MBNL1: variants seen among roughly 807,000 people sequenced by gnomAD.
MBNL1 encodes muscleblind like splicing regulator 1.
A neutral mutation model predicts 42.2 loss-of-function variants in MBNL1; 8 were observed. The ratio of observed to expected loss-of-function variants is 0.19; its 90% CI spans 0.11 to 0.34. The LOEUF (loss-of-function observed/expected upper bound fraction) is 0.34. Ranked by LOEUF, MBNL1 falls within the 10% of genes least tolerant of loss-of-function variation. The probability of loss-of-function intolerance (pLI) is 1.00; values close to 1 mark genes in which losing one functional copy is unlikely to be tolerated. For missense variants in MBNL1, 309 were observed against 495.3 expected (o/e 0.62, Z 3.57); for synonymous variants, 169 against 173.9 (o/e 0.97, Z 0.22).
intron 2 of MBNL1, among the ~76,000 whole-genome samples, chr3:152,387,241 A>ATTTT (rs35150728): frequency 7.3e-6 from 1 of 136,274 alleles, no homozygotes; most frequent in Non-Finnish European, 1.6e-5. Flanking sequence ...CAGTCTGTGT[A>ATTTT]TTTTTTTTTT....
At chr3:152,331,556 G>A (rs1211426034) in intron 2 of MBNL1, among the ~76,000 whole-genome samples, 1 of 152,012 alleles carries the variant, frequency 6.6e-6, no homozygotes, top group African/African-American at 2.4e-5. Flanking sequence ...GTATGGCCTA[G>A]AGTTTATGCT....
chr3:152,272,719 A>G (rs924330045), intron 1 of MBNL1, among the ~76,000 whole-genome samples: 1 of 152,326 alleles, frequency 6.6e-6, no homozygotes, highest in Admixed American at 6.5e-5. Context: ...CTAACGTAAC[A>G]TTATGGGCTC....
chr3:152,378,240 G>A (rs760255302), intron 2 of MBNL1, among the ~76,000 whole-genome samples: 1 of 152,058 alleles, frequency 6.6e-6, no homozygotes, highest in Non-Finnish European at 1.5e-5. Flanking sequence ...AGGCTGAGGT[G>A]GGAGGATCAC....
intron 2 of MBNL1, among the ~76,000 whole-genome samples, chr3:152,365,421 A>T (rs911476093): frequency 6.6e-6 from 1 of 152,102 alleles, no homozygotes; most frequent in African/African-American, 2.4e-5. Context: ...TAAAATTGTC[A>T]TTATTTCTTT....
rs2098672150 is a variant in MBNL1, at chr3:152,414,945, G to A, written c.179G>A (p.Arg60His). 1.2e-6 allele frequency: 2 copies of A among 1,608,554 alleles called. No homozygotes were observed. The highest frequency in any genetic ancestry group is 1.7e-6 in the Non-Finnish European group (2 of 1,178,230). ...VIACFDSLKG[R>H]CSRENCKYLH... is the part of the protein sequence containing the mutation. ...TTGCTGCTTTTGTTTCTCTAGGGCCGTTGCTCCAGGGAGAACTGCAAATAT... is the reference window on the plus strand; with the variant it reads ...TTGCTGCTTTTGTTTCTCTAGGGCCATTGCTCCAGGGAGAACTGCAAATAT... The change falls in exon 3 of 10, where the codon CGT becomes CAT. Residue 60 changes from arginine to histidine, a missense_variant. By Grantham distance (29) the Arg-to-His change is conservative. Coordinates refer to ENST00000324210, the MANE Select transcript of MBNL1 (RefSeq NM_021038.5).
intron 2 of MBNL1, among the ~76,000 whole-genome samples, chr3:152,346,959 G>A (rs1190929300): frequency 6.6e-6 from 1 of 151,250 alleles, no homozygotes; most frequent in Non-Finnish European, 1.5e-5. Flanking sequence ...TGGGAGGATC[G>A]CTTGAGTCCA....
intron 2 of MBNL1, chr3:152,340,072 C>G (rs180823252): frequency 6.5e-6 from 1 of 153,278 alleles, no homozygotes; most frequent in Non-Finnish European, 1.5e-5. Flanking sequence ...CAATTTGGGA[C>G]GTCAAGACCA....
intron 1 of MBNL1, among the ~76,000 whole-genome samples, chr3:152,296,325 G>A (rs1270247919): frequency 6.6e-5 from 10 of 152,158 alleles, no homozygotes; most frequent in Admixed American, 6.5e-4. Flanking sequence ...AAAAGAACTA[G>A]ATCTTGAGAA....
At chr3:152,335,898 A>G (rs2089675909) in intron 2 of MBNL1, among the ~76,000 whole-genome samples, 1 of 152,132 alleles carries the variant, frequency 6.6e-6, no homozygotes, top group African/African-American at 2.4e-5. Context: ...GACTTGTTTA[A>G]CTTCAACTTT....
chr3:152,344,283 G>A (rs547585886), intron 2 of MBNL1, among the ~76,000 whole-genome samples: 15 of 151,950 alleles, frequency 9.9e-5, no homozygotes, highest in African/African-American at 2.9e-4. Context: ...ACTTTTTTTC[G>A]GACTATAACA....
At chr3:152,346,806 A>G (rs2152927678) in intron 2 of MBNL1, among the ~76,000 whole-genome samples, 1 of 151,496 alleles carries the variant, frequency 6.6e-6, no homozygotes, top group Admixed American at 6.6e-5. Flanking sequence ...GAAAGCTCTC[A>G]TGTCTCAGTT....
chr3:152,406,215 A>G (rs2098422719), intron 2 of MBNL1, among the ~76,000 whole-genome samples: 1 of 152,190 alleles, frequency 6.6e-6, no homozygotes, highest in East Asian at 1.9e-4. Context: ...TAACCTCAGC[A>G]GTGGTGATAC....
At chr3:152,329,301 A>G (rs1183918416) in intron 2 of MBNL1, among the ~76,000 whole-genome samples, 1 of 152,176 alleles carries the variant, frequency 6.6e-6, no homozygotes, top group Non-Finnish European at 1.5e-5. Flanking sequence ...CTGTTAAAAT[A>G]AAAAGACTTA....
chr3:152,413,687 A>G (rs947153651), intron 2 of MBNL1, among the ~76,000 whole-genome samples: 5 of 152,210 alleles, frequency 3.3e-5, no homozygotes, highest in African/African-American at 9.6e-5. Context: ...ATTATACTAA[A>G]TTGGTGTTTT....
At chr3:152,358,877 G>A (rs1247509035) in intron 2 of MBNL1, among the ~76,000 whole-genome samples, 3 of 151,976 alleles carry the variant, frequency 2.0e-5, no homozygotes, top group East Asian at 3.9e-4. Flanking sequence ...CCCAAAGTGC[G>A]GGAATTACAG....
At chr3:152,423,715 A>G (rs1184381947) in intron 3 of MBNL1, among the ~76,000 whole-genome samples, 1 of 152,210 alleles carries the variant, frequency 6.6e-6, no homozygotes, top group Non-Finnish European at 1.5e-5. Context: ...TCCAGAGTAC[A>G]TTAAAAAGCT....
intron 2 of MBNL1, among the ~76,000 whole-genome samples, chr3:152,397,799 C>A (rs1267000325): frequency 6.6e-6 from 1 of 152,106 alleles, no homozygotes; most frequent in African/African-American, 2.4e-5. Context: ...TAGAGAGGAA[C>A]CTTCCCCCCA....
intron 2 of MBNL1, among the ~76,000 whole-genome samples, chr3:152,357,488 C>T (rs2095613990): frequency 6.6e-6 from 1 of 152,064 alleles, no homozygotes; most frequent in Non-Finnish European, 1.5e-5. Context: ...ATTTCCAACC[C>T]TGAGATGGAG....
chr3:152,310,848 T>C (rs1232115444), intron 2 of MBNL1, among the ~76,000 whole-genome samples: 2 of 151,906 alleles, frequency 1.3e-5, no homozygotes, highest in African/African-American at 4.8e-5. Flanking sequence ...CCCATGAGAA[T>C]TTCAGGATTT....
Sources: allele counts gnomAD v4.1 joint callset (sites outside exome capture counted in the v4.1 genomes callset), GRCh38; gene constraint gnomAD v4.1.1; transcripts MANE v1.5; gene names NCBI Gene and HGNC (gene_info 2026-07-23, HGNC 2026-07-21).